Variants in ST6GALNAC5 observed in about 807,000 individuals in gnomAD.
ST6GALNAC5 encodes alpha-N-acetylgalactosaminide alpha-2,6-sialyltransferase 5.
In ST6GALNAC5, 27 loss-of-function variants were observed where a neutral mutation model predicts 33.6. That is an observed-to-expected ratio of 0.80 (90% confidence interval 0.59 to 1.11). ST6GALNAC5 has a LOEUF of 1.11. Among genes scored for constraint, ST6GALNAC5 ranks in the 50% least tolerant of loss-of-function variants. ST6GALNAC5 has a pLI of 0.00. For missense variants in ST6GALNAC5, 428 were observed against 454.0 expected (o/e 0.94, Z 0.52); for synonymous variants, 194 against 171.2 (o/e 1.13, Z -1.04).
At chr1:76,966,437 C>T (rs1648482194) in intron 2 of ST6GALNAC5, among the ~76,000 whole-genome samples, 2 of 152,138 alleles carry the variant, frequency 1.3e-5, no homozygotes, top group South Asian at 4.2e-4. Flanking sequence ...GTGATTTTTG[C>T]ACATTGATTT....
chr1:76,959,977 A>C (rs944569982), intron 2 of ST6GALNAC5, among the ~76,000 whole-genome samples: 1 of 152,154 alleles, frequency 6.6e-6, no homozygotes, highest in African/African-American at 2.4e-5. Flanking sequence ...CCTGAGCGGG[A>C]GTGGGTAGAA....
At chr1:76,941,223 T>C (rs1647326788) in intron 2 of ST6GALNAC5, among the ~76,000 whole-genome samples, 1 of 152,082 alleles carries the variant, frequency 6.6e-6, no homozygotes, top group South Asian at 2.1e-4. Flanking sequence ...ATACACAGTG[T>C]TTTGCTTAGC....
intron 2 of ST6GALNAC5, among the ~76,000 whole-genome samples, chr1:76,925,286 T>G (rs1431363402): frequency 6.6e-6 from 1 of 151,980 alleles, no homozygotes; most frequent in Non-Finnish European, 1.5e-5. Context: ...CAACATGAGA[T>G]TTGGAGGGCA....
intron 2 of ST6GALNAC5, among the ~76,000 whole-genome samples, chr1:76,880,497 CAA>C (rs1653754882): frequency 6.6e-6 from 1 of 152,112 alleles, no homozygotes; most frequent in Non-Finnish European, 1.5e-5. Flanking sequence ...TTAACTTACA[CAA>C]TCACAGGTTC....
intron 2 of ST6GALNAC5, among the ~76,000 whole-genome samples, chr1:77,005,649 A>G (rs1448772369): frequency 3.3e-5 from 5 of 152,234 alleles, no homozygotes; most frequent in African/African-American, 1.2e-4. Context: ...ATCCACATGC[A>G]GAACTTTATT....
chr1:77,032,670 C>T (rs1358480427), intron 2 of ST6GALNAC5, among the ~76,000 whole-genome samples: 1 of 152,134 alleles, frequency 6.6e-6, no homozygotes, highest in Non-Finnish European at 1.5e-5. Flanking sequence ...CAATAGATGA[C>T]TGAACTGAGA....
chr1:76,882,827 G>A (rs1301114281), intron 2 of ST6GALNAC5, among the ~76,000 whole-genome samples: 2 of 152,074 alleles, frequency 1.3e-5, no homozygotes, highest in South Asian at 2.1e-4. Flanking sequence ...AGACCCTCAG[G>A]AAGGCTTGCA....
intron 2 of ST6GALNAC5, among the ~76,000 whole-genome samples, chr1:77,014,747 T>C (rs1029695760): frequency 6.6e-6 from 1 of 152,232 alleles, no homozygotes; most frequent in African/African-American, 2.4e-5. Flanking sequence ...TGGGACCTGA[T>C]AAAAGCCTCT....
chr1:77,060,690 A>G (rs1652546634), intron 4 of ST6GALNAC5, among the ~76,000 whole-genome samples: 2 of 152,160 alleles, frequency 1.3e-5, no homozygotes, highest in African/African-American at 4.8e-5. Context: ...ATGGAGTCAG[A>G]TAAGTTTTTT....
chr1:77,000,822 G>C (rs1650124217), intron 2 of ST6GALNAC5, among the ~76,000 whole-genome samples: 6 of 152,080 alleles, frequency 3.9e-5, no homozygotes, highest in Non-Finnish European at 8.8e-5. Flanking sequence ...CGTTATTTCT[G>C]AGGGCTCCGT....
intron 2 of ST6GALNAC5, among the ~76,000 whole-genome samples, chr1:77,029,675 T>C (rs920707065): frequency 2.0e-5 from 3 of 152,210 alleles, no homozygotes; most frequent in Non-Finnish European, 4.4e-5. Flanking sequence ...ATCACCATCA[T>C]ACCTGAGTGA....
chr1:77,047,724 G>A (rs917852973), intron 3 of ST6GALNAC5, among the ~76,000 whole-genome samples: 16 of 152,170 alleles, frequency 1.1e-4, no homozygotes, highest in Admixed American at 2.6e-4. Flanking sequence ...TAAAGGAAGC[G>A]TAAATGAAAT....
At chr1:76,949,604 AT>A (rs1430950103) in intron 2 of ST6GALNAC5, among the ~76,000 whole-genome samples, 2 of 152,046 alleles carry the variant, frequency 1.3e-5, no homozygotes, top group African/African-American at 4.8e-5. Flanking sequence ...ACACCCTGTT[AT>A]TCTGGGCATC....
At chr1:77,003,600 A>G (rs1330810593) in intron 2 of ST6GALNAC5, among the ~76,000 whole-genome samples, 2 of 151,468 alleles carry the variant, frequency 1.3e-5, no homozygotes, top group Admixed American at 1.3e-4. Flanking sequence ...TGGTCTTTAC[A>G]TTTTGGCATG....
intron 2 of ST6GALNAC5, among the ~76,000 whole-genome samples, chr1:76,871,041 G>A (rs1461555981): frequency 1.3e-5 from 2 of 152,220 alleles, no homozygotes; most frequent in Non-Finnish European, 2.9e-5. Flanking sequence ...ATATGAAGGT[G>A]CATGTGTAAA....
At chr1:77,008,337 C>G (rs993556376) in intron 2 of ST6GALNAC5, among the ~76,000 whole-genome samples, 1 of 152,100 alleles carries the variant, frequency 6.6e-6, no homozygotes, top group Non-Finnish European at 1.5e-5. Context: ...TAGAGTCAGA[C>G]AGATGTGTCC....
At chr1:77,050,571 A>G (rs1463359345) in intron 4 of ST6GALNAC5, among the ~76,000 whole-genome samples, 1 of 152,242 alleles carries the variant, frequency 6.6e-6, no homozygotes, top group Non-Finnish European at 1.5e-5. Context: ...ACTGCTGGAG[A>G]ATAAATCCAT....
chr1:76,881,182 T>C (rs1653770176), intron 2 of ST6GALNAC5, among the ~76,000 whole-genome samples: 1 of 152,166 alleles, frequency 6.6e-6, no homozygotes, highest in African/African-American at 2.4e-5. Context: ...AGAACTCTCA[T>C]GGGAGTCAGT....
chr1:76,981,865 A>G (rs536665757), intron 2 of ST6GALNAC5, among the ~76,000 whole-genome samples: 1 of 152,204 alleles, frequency 6.6e-6, no homozygotes, highest in Admixed American at 6.5e-5. Context: ...TACCCAGGCA[A>G]ACAGGGTCTG....
Sources: allele counts gnomAD v4.1 joint callset (sites outside exome capture counted in the v4.1 genomes callset), GRCh38; gene constraint gnomAD v4.1.1; transcripts MANE v1.5; gene names NCBI Gene and HGNC (gene_info 2026-07-23, HGNC 2026-07-21).